The following DYNC2I1 variants were observed in gnomAD, a reference collection of about 807,000 sequenced individuals.
DYNC2I1 encodes the protein cytoplasmic dynein 2 intermediate chain 1.
DYNC2I1 carries 89 observed loss-of-function variants against 133.4 expected under a neutral mutation model. The ratio of observed to expected loss-of-function variants is 0.67; its 90% confidence interval spans 0.56 to 0.80. DYNC2I1 has a LOEUF of 0.80. Among genes scored for constraint, DYNC2I1 ranks in the 30% least tolerant of loss-of-function variants. The pLI, the probability that DYNC2I1 is intolerant of heterozygous loss-of-function variation, is 0.00. For missense variants in DYNC2I1, 1,291 were observed against 1,314.5 expected, an observed-to-expected ratio of 0.98 and a Z score of 0.28; for synonymous variants, 504 against 484.3, an observed-to-expected ratio of 1.04 and a Z score of -0.54.
intron 8 of DYNC2I1, among the ~76,000 whole-genome samples, chr7:158,901,202 C>T (rs1846223343): frequency 1.3e-5 from 2 of 152,170 alleles, no homozygotes; most frequent in Admixed American, 6.5e-5. Flanking sequence ...TCTGGAGTAG[C>T]TGGGAACACA....
chr7:158,930,661 AT>A, intron 21 of DYNC2I1, 146 bp downstream of exon 21: 1 of 697,648 alleles, frequency 1.4e-6, no homozygotes. Context: ...TTGTTAGTCT[AT>A]TATTTTTATT....
intron 3 of DYNC2I1, among the ~76,000 whole-genome samples, chr7:158,873,525 G>A (rs192428192): frequency 3.3e-5 from 5 of 152,272 alleles, no homozygotes; most frequent in East Asian, 1.9e-4. Context: ...ATATATGTGC[G>A]TTTCTGTTGG....
intron 3 of DYNC2I1, among the ~76,000 whole-genome samples, chr7:158,875,395 G>A (rs763021339): frequency 6.6e-6 from 1 of 152,128 alleles, no homozygotes; most frequent in Non-Finnish European, 1.5e-5. Context: ...GCCCAGCCTG[G>A]TAAATGCTTT....
chr7:158,875,111 T>C (rs977191274), intron 3 of DYNC2I1, among the ~76,000 whole-genome samples: 5 of 134,206 alleles, frequency 3.7e-5, no homozygotes, highest in African/African-American at 1.3e-4. Flanking sequence ...TTTTTTTTTT[T>C]CTGAGAAGGA....
chr7:158,871,623 G>A, intron 3 of DYNC2I1, 61 bp downstream of exon 3: 3 of 1,321,344 alleles, frequency 2.3e-6, no homozygotes, highest in Non-Finnish European at 3.0e-6. Flanking sequence ...GCTGGTGACA[G>A]GTTGATAGCT....
At position 158,879,811 on chromosome 7, in the gene DYNC2I1, G is replaced by T; in HGVS notation, c.701G>T (p.Arg234Met). The T allele has an allele frequency of 6.2e-7, 1 of 1,612,598 alleles. No individual in the cohort carries two copies. ...DNKHREKSST[R>M]EKREKYSKEK... The stretch of plus-strand genomic sequence containing the variant: ...AAACACCGAGAAAAAAGCAGCACAA[G>T]GGAAAAAAGAGAGAAATATTCCAAA... The change falls in exon 5 of 25, where the codon AGG becomes ATG. Residue 234 changes from arginine to methionine, a missense_variant. Transcript: ENST00000407559.
intron 8 of DYNC2I1, among the ~76,000 whole-genome samples, chr7:158,892,615 A>AT (rs139356956): frequency 0.18 from 26,096 of 148,132 alleles, 2,824 homozygotes; most frequent in East Asian, 0.49. Flanking sequence ...CTAAGACTTT[A>AT]TTTTTTTTTT....
intron 21 of DYNC2I1, among the ~76,000 whole-genome samples, chr7:158,932,501 G>C (rs927729412): frequency 6.6e-6 from 1 of 152,172 alleles, no homozygotes; most frequent in African/African-American, 2.4e-5. Flanking sequence ...AGGTGGTCAC[G>C]AGCTGTCAGT....
intron 3 of DYNC2I1, among the ~76,000 whole-genome samples, chr7:158,876,403 T>C (rs1044171636): frequency 3.9e-5 from 6 of 152,160 alleles, no homozygotes; most frequent in African/African-American, 1.4e-4. Flanking sequence ...ATCACTTAGA[T>C]TGCCATGTTC....
chr7:158,888,321 C>G (rs998516046), intron 7 of DYNC2I1, among the ~76,000 whole-genome samples: 10 of 151,860 alleles, frequency 6.6e-5, no homozygotes, highest in African/African-American at 2.2e-4. Context: ...CCGCACCCAG[C>G]CTTTTTGTTT....
chr7:158,923,796 A>G, intron 17 of DYNC2I1, 63 bp downstream of exon 17: 3 of 1,562,164 alleles, frequency 1.9e-6, no homozygotes, highest in Non-Finnish European at 2.6e-6. Flanking sequence ...TTGAGGAACA[A>G]AGCTTTACAT....
intron 1 of DYNC2I1, among the ~76,000 whole-genome samples, chr7:158,857,822 C>G (rs1841444117): frequency 6.9e-6 from 1 of 145,512 alleles, no homozygotes; most frequent in Admixed American, 6.9e-5. Context: ...AAGATAATTC[C>G]CCTTGTCGCC....
chr7:158,869,592 C>G, intron 1 of DYNC2I1: 2 of 512,672 alleles, frequency 3.9e-6, no homozygotes, highest in South Asian at 3.6e-5. Flanking sequence ...GCTGTTATAA[C>G]TTGTTTTCAC....
At chr7:158,859,101 C>T (rs1376819756) in intron 1 of DYNC2I1, among the ~76,000 whole-genome samples, 3 of 147,058 alleles carry the variant, frequency 2.0e-5, no homozygotes, top group Non-Finnish European at 4.5e-5. Flanking sequence ...GCTCAAGCAA[C>T]GCTCTTGCCT....
chr7:158,914,061 G>T (rs949922437), intron 13 of DYNC2I1, among the ~76,000 whole-genome samples, 172 bp from the exon 14 acceptor site: 10 of 152,190 alleles, frequency 6.6e-5, no homozygotes, highest in Non-Finnish European at 7.3e-5. Context: ...ATATGCAGTT[G>T]TTTTGGGGAG....
At chr7:158,871,783 A>C (rs1342198750) in intron 3 of DYNC2I1, among the ~76,000 whole-genome samples, 6 of 151,908 alleles carry the variant, frequency 3.9e-5, no homozygotes, top group Admixed American at 2.0e-4. Flanking sequence ...GGATCCTCCC[A>C]CCGCAGCCTC....
chr7:158,910,681 G>C (rs1004780996), intron 11 of DYNC2I1, among the ~76,000 whole-genome samples: 4 of 151,528 alleles, frequency 2.6e-5, no homozygotes, highest in African/African-American at 7.3e-5. Context: ...TGTCAGGCTC[G>C]TGGGCCGATC....
chr7:158,917,977 C>A (rs1008604504), intron 14 of DYNC2I1, among the ~76,000 whole-genome samples: 2 of 152,176 alleles, frequency 1.3e-5, no homozygotes, highest in Admixed American at 1.3e-4. Flanking sequence ...CTTCCTCACT[C>A]CCATACGGTT....
intron 21 of DYNC2I1, among the ~76,000 whole-genome samples, chr7:158,933,889 G>T (rs150281348): frequency 1.3e-5 from 2 of 152,168 alleles, no homozygotes; most frequent in Non-Finnish European, 2.9e-5. Flanking sequence ...CCAAGTGAAT[G>T]GTTACATAGC....
Sources: gnomAD v4.1 joint callset for allele counts (sites outside exome capture counted in the v4.1 genomes callset) on GRCh38, gnomAD v4.1.1 for gene constraint, MANE v1.5 for transcripts, NCBI Gene and HGNC (gene_info 2026-07-23, HGNC 2026-07-21) for gene names.